CDH18: variants seen among roughly 807,000 people sequenced by gnomAD.
CDH18 encodes cadherin-18.
CDH18 carries 31 observed loss-of-function variants against 67.9 expected under a neutral mutation model. The ratio of observed to expected loss-of-function variants is 0.46; its 90% CI spans 0.34 to 0.62. The LOEUF (loss-of-function observed/expected upper bound fraction) is 0.62. CDH18 is among the 20% of genes least tolerant of loss of function. CDH18 has a pLI of 0.01. For synonymous variants in CDH18, 362 were observed against 347.2 expected, an observed-to-expected ratio of 1.04 and a Z score of -0.48; for missense variants, 890 against 975.5, an observed-to-expected ratio of 0.91 and a Z score of 1.17.
At chr5:20,436,383 T>C (rs576257521) in intron 1 of CDH18, among the ~76,000 whole-genome samples, 1 of 152,046 alleles carries the variant, frequency 6.6e-6, no homozygotes, top group South Asian at 2.1e-4. Flanking sequence ...CACTATTCTA[T>C]CATGCTCTTG....
chr5:20,081,053 T>C (rs1174536098), intron 2 of CDH18, among the ~76,000 whole-genome samples: 3 of 152,168 alleles, frequency 2.0e-5, no homozygotes, highest in African/African-American at 7.2e-5. Flanking sequence ...ACTATGGCTG[T>C]TTTAAAATAG....
chr5:20,445,172 G>C (rs2150197406), intron 1 of CDH18, among the ~76,000 whole-genome samples: 1 of 152,322 alleles, frequency 6.6e-6, no homozygotes, highest in South Asian at 2.1e-4. Context: ...TGGAGAAAGT[G>C]AATTTTGGGT....
At chr5:20,012,372 CAA>C (rs374226366) in intron 2 of CDH18, among the ~76,000 whole-genome samples, 6 of 116,058 alleles carry the variant, frequency 5.2e-5, no homozygotes, top group African/African-American at 1.7e-4. Flanking sequence ...TTATCTTGTT[CAA>C]AAAAAAAAAA....
At chr5:20,427,627 A>T (rs1034206547) in intron 1 of CDH18, among the ~76,000 whole-genome samples, 10 of 151,162 alleles carry the variant, frequency 6.6e-5, no homozygotes, top group African/African-American at 2.5e-4. Context: ...TTTATTACAC[A>T]TTAGGTGTAA....
intron 1 of CDH18, among the ~76,000 whole-genome samples, chr5:20,346,421 G>A (rs1264284906): frequency 3.9e-5 from 6 of 152,138 alleles, no homozygotes; most frequent in Non-Finnish European, 5.9e-5. Context: ...CAAAAGGAAA[G>A]AGCTTGGGCT....
At chr5:20,295,067 C>A (rs1387640418) in intron 1 of CDH18, among the ~76,000 whole-genome samples, 2 of 152,190 alleles carry the variant, frequency 1.3e-5, no homozygotes, top group Non-Finnish European at 2.9e-5. Context: ...TTAAATGTCA[C>A]AATTAAAGTT....
chr5:20,479,190 A>G (rs1391507223), intron 1 of CDH18, among the ~76,000 whole-genome samples: 1 of 152,178 alleles, frequency 6.6e-6, no homozygotes, highest in African/African-American at 2.4e-5. Context: ...ACAAATAGGT[A>G]ACTATTCAAT....
intron 1 of CDH18, among the ~76,000 whole-genome samples, chr5:19,982,558 A>G (rs948222826): frequency 2.0e-5 from 3 of 152,106 alleles, no homozygotes; most frequent in Non-Finnish European, 4.4e-5. Context: ...TTTTTGTGAT[A>G]TTTTTAATTA....
At chr5:20,223,204 G>C (rs1057462242) in intron 2 of CDH18, among the ~76,000 whole-genome samples, 2 of 152,090 alleles carry the variant, frequency 1.3e-5, no homozygotes, top group Admixed American at 1.3e-4. Flanking sequence ...CCCACCTCTT[G>C]CATCAGCATG....
chr5:19,749,923 T>C (rs1298189859), intron 3 of CDH18, among the ~76,000 whole-genome samples: 1 of 151,912 alleles, frequency 6.6e-6, no homozygotes. Context: ...TAGTAAATTA[T>C]AATTCAGTAA....
intron 2 of CDH18, among the ~76,000 whole-genome samples, chr5:19,883,566 G>A (rs932539315): frequency 6.6e-6 from 1 of 151,612 alleles, no homozygotes; most frequent in Admixed American, 6.6e-5. Context: ...CATTTTCAAA[G>A]TGAGTTTCTC....
At chr5:19,558,289 G>A (rs78339799) in intron 8 of CDH18, among the ~76,000 whole-genome samples, 5,482 of 151,392 alleles carry the variant, frequency 0.036, 154 homozygotes, top group East Asian at 0.06. Context: ...AATAAATAAC[G>A]AAATCAGAGC....
chr5:20,107,370 A>G (rs750281553), intron 2 of CDH18, among the ~76,000 whole-genome samples: 1 of 152,170 alleles, frequency 6.6e-6, no homozygotes, highest in Non-Finnish European at 1.5e-5. Context: ...CACTGCACCC[A>G]GCCTCTCTCT....
At chr5:20,081,906 T>C (rs532676506) in intron 2 of CDH18, among the ~76,000 whole-genome samples, 1 of 152,254 alleles carries the variant, frequency 6.6e-6, no homozygotes, top group Admixed American at 6.5e-5. Context: ...AATTTATCCA[T>C]ATTACAAACC....
chr5:19,519,568 C>G (rs561387831), intron 10 of CDH18, among the ~76,000 whole-genome samples: 1 of 152,156 alleles, frequency 6.6e-6, no homozygotes, highest in Non-Finnish European at 1.5e-5. Context: ...CCTGTAATCC[C>G]TCTGCCTTCA....
At chr5:19,958,478 G>T (rs1796486733) in intron 2 of CDH18, among the ~76,000 whole-genome samples, 1 of 150,302 alleles carries the variant, frequency 6.7e-6, no homozygotes, top group African/African-American at 2.4e-5. Context: ...TGCCATCAAG[G>T]TTACTGTATG....
intron 1 of CDH18, among the ~76,000 whole-genome samples, chr5:20,573,896 TATATATATGTATTTATATATATAAAAG>T (rs1758964500): frequency 4.1e-5 from 5 of 123,364 alleles, no homozygotes; most frequent in African/African-American, 1.8e-4. Flanking sequence ...ATAAAAGAAA[TATATATATGTATTTATATATATAAAAG>T]AAATATATAT....
chr5:19,596,899 G>A (rs1004147761), intron 6 of CDH18, among the ~76,000 whole-genome samples: 5 of 152,170 alleles, frequency 3.3e-5, no homozygotes, highest in Non-Finnish European at 7.3e-5. Flanking sequence ...TCAACTTTTA[G>A]TAGACAGCCT....
chr5:20,136,466 T>C (rs1360269741), intron 2 of CDH18, among the ~76,000 whole-genome samples: 1 of 152,226 alleles, frequency 6.6e-6, no homozygotes, highest in East Asian at 1.9e-4. Context: ...ACCCTTTATT[T>C]TGAGTCTATG....
Sources: gnomAD v4.1 joint callset for allele counts (sites outside exome capture counted in the v4.1 genomes callset) on GRCh38, gnomAD v4.1.1 for gene constraint, MANE v1.5 for transcripts, NCBI Gene and HGNC (gene_info 2026-07-23, HGNC 2026-07-21) for gene names.